SNX4: variants seen among roughly 807,000 people sequenced by gnomAD.
SNX4 encodes the protein sorting nexin 4, also known as sorting nexin-4.
In SNX4, 49 loss-of-function variants were observed where a neutral mutation model predicts 70.8. The ratio of observed to expected loss-of-function variants is 0.69; its 90% CI spans 0.55 to 0.88. The LOEUF (loss-of-function observed/expected upper bound fraction) is 0.88, where lower values mean the gene tolerates loss of function less well. SNX4 is among the 40% of genes least tolerant of loss of function. SNX4 has a pLI of 0.00. For missense variants in SNX4, 528 were observed against 544.8 expected, an observed-to-expected ratio of 0.97 and a Z score of 0.31; for synonymous variants, 206 against 183.8, an observed-to-expected ratio of 1.12 and a Z score of -0.98.
chr3:125,497,065 C>T (rs1411415503), intron 5 of SNX4, among the ~76,000 whole-genome samples: 3 of 145,890 alleles, frequency 2.1e-5, no homozygotes, highest in African/African-American at 7.8e-5. Flanking sequence ...TGCTTCATTA[C>T]TATAAACACT....
At chr3:125,470,457 G>A (rs1316876214) in intron 8 of SNX4, among the ~76,000 whole-genome samples, 1 of 149,274 alleles carries the variant, frequency 6.7e-6, no homozygotes, top group Admixed American at 6.7e-5. Flanking sequence ...TCTTAGTATA[G>A]ATGAAAACTA....
intron 9 of SNX4, among the ~76,000 whole-genome samples, chr3:125,465,908 G>C (rs1933999851): frequency 6.6e-6 from 1 of 152,194 alleles, no homozygotes; most frequent in Non-Finnish European, 1.5e-5. Flanking sequence ...ATCCCAAACA[G>C]CTGAGATTAA....
rs564123552 is a variant in SNX4, at chr3:125,508,566, C to CAA, written c.142-3824_142-3823dup. On this transcript the variant is annotated intron_variant, in intron 1 of 13. Transcript: ENST00000251775. ...TGGGCAACAGAGCGAGACTCTGTCT[C>CAA]AAAAAAAAAAAAAAAGAAAATGTAG... is the stretch of plus-strand genomic sequence containing the variant. Among the ~76,000 whole-genome samples the CAA allele has an allele frequency of 8.9e-3, 873 of 98,394 alleles. 12 individuals are homozygous for CAA. The highest frequency in any genetic ancestry group is 0.037 in the Middle Eastern group (6 of 162). 64.6% of individuals were successfully genotyped at this position (98,394 alleles called of 152,430 possible). A position where few individuals can be genotyped will look rare whatever the true frequency, so the allele number is the denominator to read the frequency against.
intron 12 of SNX4, among the ~76,000 whole-genome samples, chr3:125,453,269 A>G (rs922832247): frequency 2.0e-5 from 3 of 152,174 alleles, no homozygotes; most frequent in African/African-American, 7.2e-5. Flanking sequence ...TACTGGCATG[A>G]ATTAAATGCC....
chr3:125,475,137 A>T (rs1468317200), intron 8 of SNX4, among the ~76,000 whole-genome samples: 1 of 152,198 alleles, frequency 6.6e-6, no homozygotes, highest in Non-Finnish European at 1.5e-5. Context: ...TTTAATTAAA[A>T]AAGTCATATA....
At chr3:125,519,906 C>T in intron 1 of SNX4, 126 bp downstream of exon 1, 1 of 883,776 alleles carries the variant, frequency 1.1e-6, no homozygotes, top group Non-Finnish European at 1.6e-6. Flanking sequence ...CTCGCTCCCC[C>T]TCACTGCTGG....
At chr3:125,513,396 G>A (rs1410151947) in intron 1 of SNX4, among the ~76,000 whole-genome samples, 2 of 152,148 alleles carry the variant, frequency 1.3e-5, no homozygotes, top group African/African-American at 4.8e-5. Flanking sequence ...ATAGCAGCCC[G>A]AACAGACTAA....
chr3:125,478,239 C>A (rs1157797587), intron 7 of SNX4, among the ~76,000 whole-genome samples: 1 of 151,802 alleles, frequency 6.6e-6, no homozygotes, highest in Non-Finnish European at 1.5e-5. Flanking sequence ...ACCACCACGC[C>A]CAGCTAGTTT....
chr3:125,515,885 A>G (rs963272130), intron 1 of SNX4, among the ~76,000 whole-genome samples: 3 of 152,128 alleles, frequency 2.0e-5, no homozygotes, highest in African/African-American at 7.2e-5. Context: ...CTTCTCAATC[A>G]ATAAAAAATT....
chr3:125,476,573 A>C, intron 8 of SNX4, 122 bp downstream of exon 8: 1 of 683,472 alleles, frequency 1.5e-6, no homozygotes, highest in South Asian at 1.7e-5. Context: ...CCATCTCAAA[A>C]AACAAAAACA....
chr3:125,497,376 T>C lies in SNX4; in HGVS notation c.562A>G (p.Lys188Glu), dbSNP rs1334780138. Residue 188 changes from lysine (K) to glutamate (E), a missense_variant, in exon 5 of 14, where the codon AAG becomes GAG. By Grantham distance (56) the Lys-to-Glu change is moderately conservative (BLOSUM62 1). Coordinates refer to ENST00000251775, the MANE Select transcript of SNX4 (RefSeq NM_003794.4). Reference sequence around the variant, plus strand: ...AACCCAGTTTCATTCACAGTCTCCTTCCAGTTACCTTCCTAAAAATTGAAG... The same window carrying C: ...AACCCAGTTTCATTCACAGTCTCCTCCCAGTTACCTTCCTAAAAATTGAAG... ...YLFLTQEGNWKETVNETGFQL... is the reference protein window; with the variant it reads ...YLFLTQEGNWEETVNETGFQL... 6.2e-7 allele frequency: 1 copy of C among 1,601,408 alleles called. No homozygotes were observed. The highest frequency in any genetic ancestry group is 2.2e-5 in the East Asian group (1 of 44,686).
rs767345575 is a variant in SNX4 at position 125,453,967 on chromosome 3, C to T, written c.1045-12G>A. On this transcript the variant is annotated splice_polypyrimidine_tract_variant and intron_variant, in intron 11 of 13. Coordinates refer to ENST00000251775, the MANE Select transcript of SNX4 (RefSeq NM_003794.4). ...AATGTTCTCACAGTCTAAAAGGAAA[C>T]AGAAACAGATGAATGGATAAACAAA... 5 of 1,609,284 alleles carry T rather than the reference C, an allele frequency of 3.1e-6. No homozygotes were observed. In the Admixed American group the frequency reaches 8.5e-5, roughly 27 times the overall value.
chr3:125,503,984 C>T (rs1022967883), intron 2 of SNX4, among the ~76,000 whole-genome samples: 3 of 151,874 alleles, frequency 2.0e-5, no homozygotes, highest in Non-Finnish European at 4.4e-5. Context: ...ATCACTTGAG[C>T]CCAGGAGTTT....
chr3:125,498,220 T>C (rs779032475), intron 2 of SNX4, 26 bp from the exon 3 acceptor site: 8 of 1,591,556 alleles, frequency 5.0e-6, no homozygotes, highest in Middle Eastern at 1.7e-4. Flanking sequence ...ACAACACTTG[T>C]TATTTTTTAT....
chr3:125,504,974 T>C (rs1049638061), intron 1 of SNX4, among the ~76,000 whole-genome samples: 1 of 152,184 alleles, frequency 6.6e-6, no homozygotes, highest in African/African-American at 2.4e-5. Context: ...TATGTATTTA[T>C]TTTTATTTTT....
At chr3:125,459,894 T>C (rs1403696318) in intron 10 of SNX4, among the ~76,000 whole-genome samples, 2 of 152,032 alleles carry the variant, frequency 1.3e-5, no homozygotes, top group Non-Finnish European at 1.5e-5. Context: ...AGAATTCTTA[T>C]ACTGCTTTTA....
chr3:125,494,156 A>C (rs1934729407), intron 5 of SNX4, among the ~76,000 whole-genome samples: 1 of 152,156 alleles, frequency 6.6e-6, no homozygotes, highest in African/African-American at 2.4e-5. Context: ...CCAAGAGCCA[A>C]GGTCAAATAT....
At chr3:125,504,477 C>A in intron 2 of SNX4, 146 bp downstream of exon 2, 2 of 735,248 alleles carry the variant, frequency 2.7e-6, no homozygotes, top group Admixed American at 3.0e-5. Flanking sequence ...GAATGAGACC[C>A]TGTCTCAAAA....
At chr3:125,465,213 T>A (rs563733683) in intron 9 of SNX4, among the ~76,000 whole-genome samples, 15 of 151,912 alleles carry the variant, frequency 9.9e-5, no homozygotes, top group Non-Finnish European at 1.9e-4. Context: ...TACCTCACTA[T>A]CTTCATAACT....
Sources: allele counts gnomAD v4.1 joint callset (sites outside exome capture counted in the v4.1 genomes callset), GRCh38; gene constraint gnomAD v4.1.1; transcripts MANE v1.5; gene names NCBI Gene and HGNC (gene_info 2026-07-23, HGNC 2026-07-21).